SLIT3: variants seen among roughly 807,000 people sequenced by gnomAD.
SLIT3 encodes slit guidance ligand 3.
A neutral mutation model predicts 184.0 loss-of-function variants in SLIT3; 68 were observed. That is an observed-to-expected ratio of 0.37 (90% CI 0.30 to 0.45). SLIT3 has a LOEUF of 0.45. SLIT3 is among the 20% of genes least tolerant of loss of function. The pLI, the probability that SLIT3 is intolerant of heterozygous loss-of-function variation, is 1.00. For synonymous variants in SLIT3, 831 were observed against 828.6 expected, an observed-to-expected ratio of 1.00 and a Z score of -0.05; for missense variants, 1,707 against 2,026.0, an observed-to-expected ratio of 0.84 and a Z score of 3.02.
chr5:169,243,611 G>T (rs965483994), intron 3 of SLIT3, among the ~76,000 whole-genome samples: 2 of 152,182 alleles, frequency 1.3e-5, no homozygotes, highest in Non-Finnish European at 2.9e-5. Flanking sequence ...GACCTTCCCT[G>T]TTCTTATGTG....
chr5:168,689,552 A>G (rs1389428619), intron 29 of SLIT3, among the ~76,000 whole-genome samples: 1 of 152,186 alleles, frequency 6.6e-6, no homozygotes, highest in Non-Finnish European at 1.5e-5. Flanking sequence ...CTACGTTCTA[A>G]GATTGTTGGA....
chr5:169,211,362 C>A (rs900796359), intron 3 of SLIT3, among the ~76,000 whole-genome samples: 2 of 152,128 alleles, frequency 1.3e-5, no homozygotes, highest in Non-Finnish European at 2.9e-5. Context: ...CGTTTTAAAA[C>A]CCATGTTAAT....
intron 4 of SLIT3, among the ~76,000 whole-genome samples, chr5:169,045,584 A>G (rs1393783438): frequency 1.3e-5 from 2 of 152,174 alleles, no homozygotes; most frequent in African/African-American, 2.4e-5. Context: ...GAGTGAATGA[A>G]TATGTGTATA....
chr5:169,018,903 C>T (rs1178748187), intron 4 of SLIT3, among the ~76,000 whole-genome samples: 2 of 152,200 alleles, frequency 1.3e-5, no homozygotes, highest in Admixed American at 6.5e-5. Flanking sequence ...CTAGGAACTC[C>T]TGCAGTGGCT....
rs142671742 is a variant in SLIT3 at position 169,120,546 on chromosome 5, C to A, written c.413+72933G>T. On this transcript the variant is annotated intron_variant, in intron 4 of 35. Transcript: ENST00000519560. The stretch of plus-strand genomic sequence containing the variant: ...TTAAGAGTGAATGTGACCCTGCCAA[C>A]ATCTTGATTTCAGCCCAGTGAAATC... Among the ~76,000 whole-genome samples the A allele has an allele frequency of 5.1e-3, 777 of 152,308 alleles. 6 individuals carry two copies. The highest frequency in any genetic ancestry group is 0.018 in the African/African-American group (729 of 41,562).
intron 4 of SLIT3, among the ~76,000 whole-genome samples, chr5:169,006,632 A>ACACACACACAC (rs752430679): frequency 7.4e-4 from 98 of 133,038 alleles, no homozygotes; most frequent in Middle Eastern, 3.5e-3. Context: ...CACACACACA[A>ACACACACACAC]CTCTCCAAGC....
chr5:168,849,903 C>A (rs905486576), intron 5 of SLIT3, among the ~76,000 whole-genome samples: 21 of 152,126 alleles, frequency 1.4e-4, no homozygotes, highest in Admixed American at 4.6e-4. Context: ...CCTTGACATG[C>A]TATTTCTTTC....
intron 4 of SLIT3, among the ~76,000 whole-genome samples, chr5:168,968,380 G>A (rs1011734437): frequency 5.3e-5 from 8 of 152,152 alleles, no homozygotes; most frequent in African/African-American, 1.9e-4. Flanking sequence ...CTTCACACTT[G>A]GACAGCAGCA....
At chr5:168,782,245 G>C (rs571748057) in intron 12 of SLIT3, among the ~76,000 whole-genome samples, 83 of 152,280 alleles carry the variant, frequency 5.5e-4, no homozygotes, top group African/African-American at 1.9e-3. Context: ...GTCTGGTTTG[G>C]TTTAAGACCA....
chr5:168,988,392 C>T (rs1200461879), intron 4 of SLIT3, among the ~76,000 whole-genome samples: 2 of 152,138 alleles, frequency 1.3e-5, no homozygotes, highest in Non-Finnish European at 2.9e-5. Flanking sequence ...ACAGACAACA[C>T]TCAGATCCTG....
chr5:168,671,535 G>A (rs1761245123), intron 33 of SLIT3, 52 bp from the exon 34 acceptor site: 2 of 1,554,218 alleles, frequency 1.3e-6, no homozygotes, highest in Non-Finnish European at 1.7e-6. Flanking sequence ...CTGCCACCCT[G>A]CTGTCCTCAG....
chr5:168,677,936 C>T (rs767384176), intron 32 of SLIT3, among the ~76,000 whole-genome samples: 2 of 152,182 alleles, frequency 1.3e-5, no homozygotes, highest in African/African-American at 2.4e-5. Context: ...CTTACAGCCA[C>T]CCAGGGCTTT....
chr5:169,287,429 T>C (rs1767196930), intron 1 of SLIT3, among the ~76,000 whole-genome samples: 1 of 152,142 alleles, frequency 6.6e-6, no homozygotes, highest in Non-Finnish European at 1.5e-5. Flanking sequence ...GCTTCCCAGA[T>C]TGGCAGAGGC....
At chr5:169,075,647 CA>C (rs897077268) in intron 4 of SLIT3, among the ~76,000 whole-genome samples, 2 of 152,044 alleles carry the variant, frequency 1.3e-5, no homozygotes, top group Admixed American at 6.6e-5. Context: ...TAGGTGGAAG[CA>C]AAAGAGAGAC....
intron 4 of SLIT3, among the ~76,000 whole-genome samples, chr5:169,125,342 C>T (rs58687540): frequency 0.097 from 14,813 of 152,200 alleles, 1,307 homozygotes; most frequent in East Asian, 0.38. Context: ...TCACTGCACC[C>T]GGCCGCAATT....
chr5:169,275,908 C>A (rs979040625), intron 1 of SLIT3, among the ~76,000 whole-genome samples: 1 of 152,000 alleles, frequency 6.6e-6, no homozygotes, highest in Non-Finnish European at 1.5e-5. Flanking sequence ...GGATGGTGGA[C>A]CCTGCAGCAG....
intron 32 of SLIT3, among the ~76,000 whole-genome samples, chr5:168,677,439 A>C (rs1159773980): frequency 4.6e-5 from 7 of 151,172 alleles, no homozygotes; most frequent in Admixed American, 4.6e-4. Context: ...CCCGGCCTAC[A>C]CTGTTTTTTG....
At chr5:168,862,371 A>C (rs1442240503) in intron 5 of SLIT3, among the ~76,000 whole-genome samples, 2 of 152,204 alleles carry the variant, frequency 1.3e-5, no homozygotes, top group Non-Finnish European at 2.9e-5. Flanking sequence ...ATAAAAAATA[A>C]GGTATGGGCA....
chr5:169,173,373 G>A lies in SLIT3; in HGVS notation c.413+20106C>T, dbSNP rs545478750. Reference sequence around the variant, plus strand: ...GAAGAGAAAACATGGTAACTGAACCGCAAAAGGCTAGGACTGAAAGGAGTA... The same window carrying A: ...GAAGAGAAAACATGGTAACTGAACCACAAAAGGCTAGGACTGAAAGGAGTA... On this transcript the variant is annotated intron_variant, in intron 4 of 35. Transcript: ENST00000519560. 1.5e-4 allele frequency among the ~76,000 whole-genome samples: 23 copies of A among 152,304 alleles called. 1 individual carries two copies. The Middle Eastern group carries it at 0.01, about 68-fold the overall frequency.
Sources: allele counts gnomAD v4.1 joint callset (sites outside exome capture counted in the v4.1 genomes callset), GRCh38; gene constraint gnomAD v4.1.1; transcripts MANE v1.5; gene names NCBI Gene and HGNC (gene_info 2026-07-23, HGNC 2026-07-21).